Variants in NDUFAF6 observed in about 807,000 individuals in gnomAD.
The protein encoded by NDUFAF6 is NADH:ubiquinone oxidoreductase complex assembly factor 6, also known as NADH dehydrogenase (ubiquinone) complex I, assembly factor 6.
NDUFAF6 carries 45 observed loss-of-function variants against 40.8 expected under a neutral mutation model. The observed-to-expected ratio is 1.10, with a 90% CI of 0.87 to 1.42. NDUFAF6 has a LOEUF of 1.42. Among genes scored for constraint, NDUFAF6 ranks in the 40% most tolerant of loss-of-function variants. The probability of loss-of-function intolerance (pLI) is 0.00; values close to 1 mark genes in which losing one functional copy is unlikely to be tolerated. For synonymous variants in NDUFAF6, 185 were observed against 155.9 expected (o/e 1.19, Z -1.39); for missense variants, 435 against 418.5 (o/e 1.04, Z -0.34).
downstream of NDUFAF6, among the ~76,000 whole-genome samples, chr8:95,079,753 C>A (rs191193821): frequency 1.4e-5 from 2 of 147,832 alleles, no homozygotes; most frequent in Non-Finnish European, 3.0e-5. Flanking sequence ...CTTGCTTTGT[C>A]GCCTAGGCTG....
At chr8:95,059,586 T>C (rs1022453048), downstream of NDUFAF6, among the ~76,000 whole-genome samples, 2 of 152,174 alleles carry the variant, frequency 1.3e-5, no homozygotes, top group African/African-American at 4.8e-5. Flanking sequence ...TGGTGGCTCA[T>C]GCCTGTCATC....
chr8:94,933,572 T>G (rs1415826764), intron 1 of NDUFAF6, among the ~76,000 whole-genome samples: 1 of 151,922 alleles, frequency 6.6e-6, no homozygotes, highest in Non-Finnish European at 1.5e-5. Context: ...TGAGACCAGC[T>G]TAATCAACAT....
upstream of NDUFAF6, among the ~76,000 whole-genome samples, chr8:95,095,523 A>G (rs1198485418): frequency 6.6e-6 from 1 of 151,974 alleles, no homozygotes; most frequent in Admixed American, 6.6e-5. Context: ...GTCCCCCAAG[A>G]CTTTCTTGTT....
At position 95,050,174 on chromosome 8, in the gene NDUFAF6, A is replaced by G. The variant is rs191199016; in HGVS notation, c.816+1616A>G. 3.2e-4 allele frequency among the ~76,000 whole-genome samples: 48 copies of G among 152,318 alleles called. No homozygotes were observed. In the East Asian group the frequency reaches 7.7e-3, roughly 24 times the overall value. On this transcript the variant is annotated intron_variant, in intron 7 of 8. Transcript: ENST00000396124. ...TGTGGAACCTGAGCAGTCCCAGTCAATGGACATGTAAGGCACCTAAGAAAT... is the reference window on the plus strand; with the variant it reads ...TGTGGAACCTGAGCAGTCCCAGTCAGTGGACATGTAAGGCACCTAAGAAAT...
intron 2 of NDUFAF6, among the ~76,000 whole-genome samples, chr8:94,947,693 C>T (rs1318096222): frequency 1.3e-5 from 2 of 152,160 alleles, no homozygotes; most frequent in East Asian, 3.8e-4. Context: ...GCCCCTAAGG[C>T]TGAAAGACAG....
intron 1 of NDUFAF6, among the ~76,000 whole-genome samples, chr8:94,923,532 C>T (rs1325915048): frequency 6.6e-6 from 1 of 152,166 alleles, no homozygotes; most frequent in Non-Finnish European, 1.5e-5. Context: ...CTATTCCAAC[C>T]CTTTTTATCC....
At chr8:95,035,380 A>C (rs79590109) in intron 2 of NDUFAF6, 74 bp from the exon 3 acceptor site, 1 of 1,539,334 alleles carries the variant, frequency 6.5e-7, no homozygotes, top group Admixed American at 1.7e-5. Context: ...TTAACTCAAA[A>C]AATTCCCTCA....
chr8:95,016,657 A>G (rs7826046), intron 2 of NDUFAF6, among the ~76,000 whole-genome samples: 21,799 of 152,072 alleles, frequency 0.14, 1,577 homozygotes, highest in Middle Eastern at 0.24. Context: ...CAGGAAAATC[A>G]CTTGAACCCG....
intron 4 of NDUFAF6, among the ~76,000 whole-genome samples, chr8:95,112,418 G>T (rs1269664513): frequency 6.6e-6 from 1 of 152,144 alleles, no homozygotes; most frequent in African/African-American, 2.4e-5. Flanking sequence ...GGGGGAGACT[G>T]GAGCTCCACT....
chr8:95,032,114 A>G lies in NDUFAF6; in HGVS notation c.297+20A>G. 6.3e-7 allele frequency: 1 copy of G among 1,594,898 alleles called. No homozygotes were observed. Among genetic ancestry groups the G allele is most frequent in the Non-Finnish European group, 8.6e-7 (1 of 1,162,564 alleles). On this transcript the variant is annotated intron_variant, in intron 2 of 8. Coordinates refer to ENST00000396124, the MANE Select transcript of NDUFAF6 (RefSeq NM_152416.4). Reference sequence around the variant, plus strand: ...GCTCAGGCTGGTATTAAGATACCTTAAAATATTATTTGCGAAATGGTGATA... The same window carrying G: ...GCTCAGGCTGGTATTAAGATACCTTGAAATATTATTTGCGAAATGGTGATA...
chr8:94,947,924 T>C (rs972148330), intron 2 of NDUFAF6, among the ~76,000 whole-genome samples: 1 of 152,244 alleles, frequency 6.6e-6, no homozygotes, highest in African/African-American at 2.4e-5. Context: ...TTCCCAGTGC[T>C]TTTCACATCT....
chr8:94,975,399 C>G (rs1223471783), intron 1 of NDUFAF6: 2 of 152,266 alleles, frequency 1.3e-5, no homozygotes, highest in South Asian at 2.1e-4. Flanking sequence ...CCCATGTACT[C>G]TCAACGAAAG....
chr8:95,031,242 G>A (rs538499000), intron 1 of NDUFAF6, among the ~76,000 whole-genome samples: 2 of 152,202 alleles, frequency 1.3e-5, no homozygotes, highest in Non-Finnish European at 2.9e-5. Flanking sequence ...GGGGGCTGGG[G>A]GCATTATTAC....
At chr8:95,024,289 T>G (rs1053315271), upstream of NDUFAF6, among the ~76,000 whole-genome samples, 3 of 152,240 alleles carry the variant, frequency 2.0e-5, no homozygotes, top group Admixed American at 6.5e-5. Flanking sequence ...TTCTACAATT[T>G]TCAAGTGACA....
chr8:94,922,034 ACT>A (rs1195065963), intron 1 of NDUFAF6, among the ~76,000 whole-genome samples: 1 of 151,936 alleles, frequency 6.6e-6, no homozygotes, highest in Non-Finnish European at 1.5e-5. Flanking sequence ...ACGGAGTCTC[ACT>A]CTGTCACCCA....
chr8:94,948,656 G>A (rs1822235485), intron 2 of NDUFAF6, among the ~76,000 whole-genome samples: 1 of 152,108 alleles, frequency 6.6e-6, no homozygotes, highest in African/African-American at 2.4e-5. Flanking sequence ...ACAAGCCCAA[G>A]CGCCGCTGTC....
chr8:95,009,834 C>T (rs938532902), intron 2 of NDUFAF6, among the ~76,000 whole-genome samples: 5 of 152,164 alleles, frequency 3.3e-5, no homozygotes, highest in African/African-American at 1.2e-4. Context: ...ACACAGAATA[C>T]TCGTTTGAAT....
chr8:94,918,747 C>T (rs1219700987), intron 1 of NDUFAF6, among the ~76,000 whole-genome samples: 9 of 152,218 alleles, frequency 5.9e-5, no homozygotes, highest in Non-Finnish European at 1.3e-4. Context: ...ACCCCAATCA[C>T]ACTCTTCAAT....
At chr8:94,987,747 G>C (rs1265974220) in intron 2 of NDUFAF6, among the ~76,000 whole-genome samples, 1 of 152,098 alleles carries the variant, frequency 6.6e-6, no homozygotes, top group Non-Finnish European at 1.5e-5. Context: ...GAGATGAATT[G>C]CAAAAAACTA....
Sources: gnomAD v4.1 joint callset for allele counts (sites outside exome capture counted in the v4.1 genomes callset) on GRCh38, gnomAD v4.1.1 for gene constraint, MANE v1.5 for transcripts, NCBI Gene and HGNC (gene_info 2026-07-23, HGNC 2026-07-21) for gene names.